The following PPP4R3B variants were observed in gnomAD, a reference collection of about 807,000 sequenced individuals.
PPP4R3B encodes serine/threonine-protein phosphatase 4 regulatory subunit 3B.
PPP4R3B carries 52 observed loss-of-function variants against 95.4 expected under a neutral mutation model. The ratio of observed to expected loss-of-function variants is 0.54; its 90% CI spans 0.44 to 0.69. The LOEUF is 0.69. Ranked by LOEUF, PPP4R3B falls within the 30% of genes least tolerant of loss-of-function variation. PPP4R3B has a pLI of 0.00. For missense variants in PPP4R3B, 1,003 were observed against 1,005.9 expected (o/e 1.00, Z 0.04); for synonymous variants, 407 against 343.9 (o/e 1.18, Z -2.03).
chr2:55,600,514 T>C (rs1397498029), intron 3 of PPP4R3B, among the ~76,000 whole-genome samples: 2 of 146,208 alleles, frequency 1.4e-5, no homozygotes, highest in African/African-American at 5.1e-5. Context: ...GAAATTGAAA[T>C]TGTCCTTTCA....
At chr2:55,609,491 G>C (rs1207630319) in intron 2 of PPP4R3B, among the ~76,000 whole-genome samples, 1 of 152,034 alleles carries the variant, frequency 6.6e-6, no homozygotes, top group African/African-American at 2.4e-5. Context: ...AGACCAGCCT[G>C]AGCAACATGG....
intron 3 of PPP4R3B, among the ~76,000 whole-genome samples, chr2:55,600,771 T>C (rs1692455147): frequency 6.6e-6 from 1 of 150,858 alleles, no homozygotes; most frequent in Non-Finnish European, 1.5e-5. Context: ...AAAATAAAAT[T>C]TAAAAAAACA....
intron 2 of PPP4R3B, among the ~76,000 whole-genome samples, chr2:55,613,464 T>C (rs1694470113): frequency 6.6e-6 from 1 of 152,122 alleles, no homozygotes; most frequent in Admixed American, 6.5e-5. Flanking sequence ...TTTTAAATAA[T>C]GCATTTTTTC....
intron 2 of PPP4R3B, among the ~76,000 whole-genome samples, chr2:55,610,089 CA>C (rs1315499761): frequency 1.3e-5 from 2 of 152,166 alleles, no homozygotes; most frequent in Non-Finnish European, 2.9e-5. Flanking sequence ...TGGCCAGACT[CA>C]AAAACACTAT....
At chr2:55,571,928 T>A (rs1478438218) in intron 12 of PPP4R3B, among the ~76,000 whole-genome samples, 1 of 152,236 alleles carries the variant, frequency 6.6e-6, no homozygotes, top group Non-Finnish European at 1.5e-5. Context: ...CCAACACTGG[T>A]ACTTTTACAT....
At chr2:55,609,172 C>G (rs1693828984) in intron 2 of PPP4R3B, among the ~76,000 whole-genome samples, 1 of 151,926 alleles carries the variant, frequency 6.6e-6, no homozygotes. Context: ...CATAATTCAT[C>G]TGATTTTTTT....
chr2:55,590,502 A>G (rs959248597), intron 4 of PPP4R3B, among the ~76,000 whole-genome samples: 2 of 152,104 alleles, frequency 1.3e-5, no homozygotes, highest in African/African-American at 4.8e-5. Flanking sequence ...TTGGTTATCT[A>G]TATTTTCTAA....
rs2103700335 is a variant in PPP4R3B, at chr2:55,548,545, T to A, written c.*1366A>T. 6.5e-6 allele frequency: 1 copy of A among 152,736 alleles called. No individual in the cohort carries two copies. The highest frequency in any genetic ancestry group is 2.1e-4 in the South Asian group (1 of 4,826). The allele number at this position is 152,736 out of a possible 1,614,324, so 9.5% of individuals were successfully genotyped here. On this transcript the variant is annotated 3_prime_UTR_variant, in exon 17 of 17. Transcript: ENST00000616407. Reference sequence around the variant, plus strand: ...CATATCTACACAGACAGCTCATCTTTTCCAAACAATAGCCAAAATTAAAAT... The same window carrying A: ...CATATCTACACAGACAGCTCATCTTATCCAAACAATAGCCAAAATTAAAAT...
At chr2:55,581,976 C>A (rs1262273217) in intron 7 of PPP4R3B, among the ~76,000 whole-genome samples, 1 of 150,992 alleles carries the variant, frequency 6.6e-6, no homozygotes, top group Non-Finnish European at 1.5e-5. Flanking sequence ...AAGTGGAAAA[C>A]AAAATTCTTT....
Position 55,611,797 on chromosome 2 carries a change from T to C in PPP4R3B, c.198+3654A>G, listed in dbSNP as rs574859229. ...CACCTGGAGTGCAGTGGTACAATCA[T>C]GGCTTACTACAGTCTCGACCTCCGA... On this transcript the variant is annotated intron_variant, in intron 2 of 16. Transcript: ENST00000616407. Among the ~76,000 whole-genome samples, 32 of 152,292 alleles carry C rather than the reference T, an allele frequency of 2.1e-4. 1 individual carries two copies. In the South Asian group the frequency reaches 3.9e-3, roughly 19 times the overall value.
At position 55,573,667 on chromosome 2, in the gene PPP4R3B, T is replaced by C; in HGVS notation, c.1717A>G (p.Arg573Gly). ...GAATTCATCAAGACCAAGACTCTTC[T>C]TAGCAAGTCCTTGTTCATAATATAG... ...KNYIMNKDLL[R>G]RVLVLMNSKH... is the part of the protein sequence containing the mutation. Residue 573 changes from arginine to glycine, a missense_variant, in exon 12 of 17, where the codon AGA becomes GGA. Physicochemically the swap from Arg to Gly is moderately radical, Grantham distance 125 (BLOSUM62 -2). Transcript: ENST00000616407. 1 of 1,546,010 alleles carries C rather than the reference T, an allele frequency of 6.5e-7. No individual in the cohort carries two copies. The highest frequency in any genetic ancestry group is 8.7e-7 in the Non-Finnish European group (1 of 1,145,386).
rs1165057721 is a variant in PPP4R3B at position 55,549,577 on chromosome 2, G to A, written c.*334C>T. The stretch of plus-strand genomic sequence containing the variant: ...TGTTTCTAGATCGACACCCCGAGGA[G>A]CAACCCTGCATTATTATATCAACCT... On this transcript the variant is annotated 3_prime_UTR_variant, in exon 17 of 17. Transcript: ENST00000616407. 1.8e-5 allele frequency: 4 copies of A among 216,220 alleles called. No individual in the cohort carries two copies. The highest frequency in any genetic ancestry group is 3.6e-5 in the Non-Finnish European group (4 of 109,654). The allele number at this position is 216,220 out of a possible 1,614,324, so 13.4% of individuals were successfully genotyped here.
intron 11 of PPP4R3B, among the ~76,000 whole-genome samples, chr2:55,576,528 G>C (rs894411264): frequency 7.9e-5 from 12 of 152,034 alleles, no homozygotes; most frequent in African/African-American, 1.2e-4. Context: ...GGATCACGAG[G>C]TCAGGAGATC....
intron 15 of PPP4R3B, 139 bp from the exon 16 acceptor site, chr2:55,559,107 G>T: frequency 1.6e-6 from 1 of 628,300 alleles, no homozygotes; most frequent in Non-Finnish European, 2.6e-6. Flanking sequence ...CAACACTTTG[G>T]GAGGCTGAGG....
intron 2 of PPP4R3B, among the ~76,000 whole-genome samples, chr2:55,613,622 G>A (rs770984304): frequency 1.1e-4 from 16 of 152,090 alleles, no homozygotes; most frequent in Non-Finnish European, 2.2e-4. Flanking sequence ...TATGTTGGGT[G>A]ACTATTTTAA....
intron 7 of PPP4R3B, among the ~76,000 whole-genome samples, chr2:55,584,794 G>A (rs1425859227): frequency 6.6e-6 from 1 of 152,110 alleles, no homozygotes; most frequent in Non-Finnish European, 1.5e-5. Context: ...TGAAATTTAA[G>A]ACCAATATTT....
At chr2:55,610,028 T>G (rs891190988) in intron 2 of PPP4R3B, among the ~76,000 whole-genome samples, 3 of 152,180 alleles carry the variant, frequency 2.0e-5, no homozygotes, top group Non-Finnish European at 4.4e-5. Context: ...ACCAAAAGAT[T>G]AATGTAAACC....
At chr2:55,577,224 G>A in intron 11 of PPP4R3B, 91 bp downstream of exon 11, 1 of 1,423,936 alleles carries the variant, frequency 7.0e-7, no homozygotes, top group East Asian at 2.8e-5. Flanking sequence ...GCCAAAATAT[G>A]CTTTTCTTAG....
At chr2:55,614,209 G>A (rs973770502) in intron 2 of PPP4R3B, 4 of 152,094 alleles carry the variant, frequency 2.6e-5, no homozygotes, top group Non-Finnish European at 4.4e-5. Context: ...CTCCAACTAC[G>A]AAGTACTTGT....
Sources: allele counts gnomAD v4.1 joint callset (sites outside exome capture counted in the v4.1 genomes callset), GRCh38; gene constraint gnomAD v4.1.1; transcripts MANE v1.5; gene names NCBI Gene and HGNC (gene_info 2026-07-23, HGNC 2026-07-21).